The following EEFSEC variants were observed in gnomAD, a reference collection of about 807,000 sequenced individuals.
EEFSEC encodes the protein eukaryotic elongation factor, selenocysteine-tRNA specific, also known as selenocysteine-specific elongation factor.
Under a neutral mutation model 42.1 loss-of-function variants are expected in EEFSEC, and 43 were observed. The ratio of observed to expected loss-of-function variants is 1.02; its 90% CI spans 0.80 to 1.32. EEFSEC has a LOEUF of 1.32. Among genes scored for constraint, EEFSEC ranks in the 40% most tolerant of loss-of-function variants. The pLI is 0.00. For synonymous variants in EEFSEC, 354 were observed against 339.1 expected (o/e 1.04, Z -0.48); for missense variants, 745 against 803.6 (o/e 0.93, Z 0.88).
intron 1 of EEFSEC, among the ~76,000 whole-genome samples, chr3:128,227,012 T>G (rs1257126479): frequency 3.3e-5 from 5 of 152,118 alleles, no homozygotes; most frequent in African/African-American, 4.8e-5. Flanking sequence ...CCCCGGCCCC[T>G]CTCGGGCCAT....
At chr3:128,213,006 T>C (rs992396948) in intron 1 of EEFSEC, among the ~76,000 whole-genome samples, 61 of 152,222 alleles carry the variant, frequency 4.0e-4, no homozygotes, top group African/African-American at 7.5e-4. Flanking sequence ...CTTGGTCTCA[T>C]GTTTTAATAG....
chr3:128,181,781 GTTTGTT>G (rs1340406522), intron 1 of EEFSEC, among the ~76,000 whole-genome samples: 1 of 152,138 alleles, frequency 6.6e-6, no homozygotes, highest in Non-Finnish European at 1.5e-5. Flanking sequence ...GTCAAGCCAT[GTTTGTT>G]TTTGTTTTTG....
At chr3:128,261,470 T>C (rs1022263525) in intron 2 of EEFSEC, among the ~76,000 whole-genome samples, 2 of 151,710 alleles carry the variant, frequency 1.3e-5, no homozygotes, top group African/African-American at 4.8e-5. Flanking sequence ...AAAGAATCCC[T>C]TGGCAAAGCA....
intron 6 of EEFSEC, among the ~76,000 whole-genome samples, chr3:128,362,677 G>A (rs1164439632): frequency 6.6e-6 from 1 of 152,200 alleles, no homozygotes; most frequent in African/African-American, 2.4e-5. Context: ...GCGTGCCCAT[G>A]TGTCACTGAT....
intron 6 of EEFSEC, among the ~76,000 whole-genome samples, chr3:128,405,631 G>T (rs2068100531): frequency 6.6e-6 from 1 of 152,242 alleles, no homozygotes; most frequent in African/African-American, 2.4e-5. Flanking sequence ...GAGACGACAG[G>T]CCAGGGCCCT....
At chr3:128,215,844 T>C (rs2065805196) in intron 1 of EEFSEC, among the ~76,000 whole-genome samples, 1 of 151,992 alleles carries the variant, frequency 6.6e-6, no homozygotes, top group South Asian at 2.1e-4. Context: ...TTCTGCCAAG[T>C]TTGCCCCTCT....
At position 128,153,809 on chromosome 3, in the gene EEFSEC, G is replaced by C. The variant is rs1455573230; in HGVS notation, c.302G>C (p.Arg101Pro). The C allele has an allele frequency of 1.3e-6, 2 of 1,516,796 alleles. No homozygotes were observed. Among genetic ancestry groups the C allele is most frequent in the African/African-American group, 2.9e-5 (2 of 69,420 alleles). 94.0% of individuals were successfully genotyped at this position (1,516,796 alleles called of 1,614,324 possible). A position where few individuals can be genotyped will look rare whatever the true frequency, so the allele number is the denominator to read the frequency against. ...TGCCCCGGGCACGCCTCCCTCATCC[G>C]GACCATCATCGGCGGTGAGCGCGGG... is the stretch of plus-strand genomic sequence containing the variant. ...VDCPGHASLI[R>P]TIIGGAQIID... The change falls in exon 1 of 7, where the codon CGG becomes CCG. Residue 101 changes from arginine to proline, a missense_variant. Transcript: ENST00000254730.
At chr3:128,361,680 T>C (rs2067527124) in intron 6 of EEFSEC, among the ~76,000 whole-genome samples, 1 of 152,202 alleles carries the variant, frequency 6.6e-6, no homozygotes, top group African/African-American at 2.4e-5. Flanking sequence ...CTTCCTGATA[T>C]CCAAGGAGCC....
the EEFSEC span, among the ~76,000 whole-genome samples, chr3:128,419,289 G>A: frequency 3.3e-5 from 5 of 152,264 alleles, no homozygotes; most frequent in Non-Finnish European, 7.3e-5. Flanking sequence ...CAGTAGTGGT[G>A]TGGACACTGA....
intron 1 of EEFSEC, among the ~76,000 whole-genome samples, chr3:128,198,150 G>A (rs1203219380): frequency 1.3e-5 from 2 of 152,168 alleles, no homozygotes; most frequent in Non-Finnish European, 2.9e-5. Context: ...GGCAAGGGGG[G>A]GATGAAAGGG....
Position 128,177,929 on chromosome 3 carries a change from A to G in EEFSEC, c.316+24106A>G, listed in dbSNP as rs181688379. 1.6e-4 allele frequency among the ~76,000 whole-genome samples: 25 copies of G among 152,382 alleles called. No individual in the cohort carries two copies. In the East Asian group the frequency reaches 4.4e-3, roughly 27 times the overall value. On this transcript the variant is annotated intron_variant, in intron 1 of 6. Transcript: ENST00000254730. ...GAAACCATAGCCATAAAGAATGAGT[A>G]GACACACATTCTTTATATAAATGGG... is the stretch of plus-strand genomic sequence containing the variant.
intron 4 of EEFSEC, among the ~76,000 whole-genome samples, chr3:128,332,499 G>A (rs1462634670): frequency 2.0e-5 from 3 of 152,182 alleles, no homozygotes; most frequent in Admixed American, 1.3e-4. Flanking sequence ...TCACCCAGGC[G>A]GGAGTGCAAT....
chr3:128,333,856 A>G (rs2067160672), intron 4 of EEFSEC, among the ~76,000 whole-genome samples: 1 of 152,254 alleles, frequency 6.6e-6, no homozygotes, highest in African/African-American at 2.4e-5. Flanking sequence ...TCAAAACACC[A>G]GAAAGCTAAG....
chr3:128,312,671 G>A (rs559330592), intron 4 of EEFSEC, among the ~76,000 whole-genome samples: 1 of 152,348 alleles, frequency 6.6e-6, no homozygotes, highest in South Asian at 2.1e-4. Context: ...TGACCTGCTT[G>A]TCAAGGTACA....
chr3:128,162,866 A>C (rs1366096152), intron 1 of EEFSEC, among the ~76,000 whole-genome samples: 1 of 152,234 alleles, frequency 6.6e-6, no homozygotes, highest in East Asian at 1.9e-4. Flanking sequence ...TCATAGCCAC[A>C]GCTTTCGGTA....
At chr3:128,379,160 A>T (rs965079127) in intron 6 of EEFSEC, among the ~76,000 whole-genome samples, 1 of 152,042 alleles carries the variant, frequency 6.6e-6, no homozygotes, top group Non-Finnish European at 1.5e-5. Flanking sequence ...GCTGCTGCCA[A>T]CCCCCACCCA....
At chr3:128,250,097 G>T (rs1245786848) in intron 2 of EEFSEC, among the ~76,000 whole-genome samples, 2 of 151,974 alleles carry the variant, frequency 1.3e-5, no homozygotes, top group Non-Finnish European at 2.9e-5. Flanking sequence ...AGGTTGGGTT[G>T]TTTTCTGTTG....
chr3:128,409,031 A>T (rs929474988), downstream of EEFSEC, among the ~76,000 whole-genome samples: 2 of 152,158 alleles, frequency 1.3e-5, no homozygotes, highest in African/African-American at 4.8e-5. Context: ...ACTTCCCAGA[A>T]AGTGGAGGCT....
At chr3:128,417,661 C>G in the EEFSEC span, among the ~76,000 whole-genome samples, 1 of 152,138 alleles carries the variant, frequency 6.6e-6, no homozygotes, top group Non-Finnish European at 1.5e-5. The surrounding 1 kb of genome is among the most constrained non-coding windows in gnomAD (Gnocchi z 4.3). Context: ...CAGCACATGC[C>G]TGGCGCTCCA....
Sources: allele counts gnomAD v4.1 joint callset (sites outside exome capture counted in the v4.1 genomes callset), GRCh38; gene constraint gnomAD v4.1.1; non-coding constraint Gnocchi (gnomAD v3.1); transcripts MANE v1.5; gene names NCBI Gene and HGNC (gene_info 2026-07-23, HGNC 2026-07-21).